HES7: variants seen among roughly 807,000 people sequenced by gnomAD.
HES7 encodes hes family bHLH transcription factor 7, also known as transcription factor HES-7.
In HES7, 8 loss-of-function variants were observed where a neutral mutation model predicts 18.0. The observed-to-expected ratio is 0.45, with a 90% CI of 0.26 to 0.80. The LOEUF is 0.80. HES7 is among the 30% of genes least tolerant of loss of function. The pLI is 0.18. For synonymous variants in HES7, 170 were observed against 158.6 expected (o/e 1.07, Z -0.54); for missense variants, 356 against 340.9 (o/e 1.04, Z -0.35).
upstream of HES7, among the ~76,000 whole-genome samples, chr17:8,126,580 C>G (rs1159774787): frequency 4.6e-5 from 7 of 152,196 alleles, no homozygotes; most frequent in Non-Finnish European, 8.8e-5. Context: ...CGCGTCGGCC[C>G]GAGGGCGGGC....
At chr17:8,125,794 G>A (rs544275670), upstream of HES7, among the ~76,000 whole-genome samples, 10 of 152,338 alleles carry the variant, frequency 6.6e-5, no homozygotes, top group East Asian at 1.9e-4. Flanking sequence ...CGGGAGGCCC[G>A]GGTTCGATTC....
In HES7 at chr17:8,122,021, C is replaced by G; in HGVS notation, c.243G>C (p.Gly81=). Residue 81 remains glycine (G), a synonymous_variant, in exon 4 of 4, where the codon GGG becomes GGC. Coordinates refer to ENST00000541682, the MANE Select transcript of HES7 (RefSeq NM_001165967.2). The surrounding 1 kb of genome is among the most constrained non-coding windows in gnomAD (Gnocchi z 6.9). The part of the protein sequence containing the change: ...RVEPPAAAAP[G]VPRSPVQDAE... ...CGTCCTGGACTGGGGACCGGGGAACCCCTGGAGCCGCGGCGGCTGGTGCGG... is the reference window on the plus strand; with the variant it reads ...CGTCCTGGACTGGGGACCGGGGAACGCCTGGAGCCGCGGCGGCTGGTGCGG... The G allele has an allele frequency of 6.6e-7, 1 of 1,514,952 alleles. No homozygotes were observed. The allele number at this position is 1,514,952 out of a possible 1,614,324, so 93.8% of individuals were successfully genotyped here. A position where few individuals can be genotyped will look rare whatever the true frequency, so the allele number is the denominator to read the frequency against.
chr17:8,123,237 AC>A lies in HES7; in HGVS notation c.43-112del. ...GCCCGGCTTCCACCCCGGCCACAAG[AC>A]CCCAGATTGCCTAGGGCCGGCCCCA... On this transcript the variant is annotated intron_variant, in intron 1 of 3. Coordinates refer to ENST00000541682, the MANE Select transcript of HES7 (RefSeq NM_001165967.2). The surrounding 1 kb of genome is among the most constrained non-coding windows in gnomAD (Gnocchi z 5.9). 1 of 811,768 alleles carries A rather than the reference AC, an allele frequency of 1.2e-6. No homozygotes were observed. The highest frequency in any genetic ancestry group is 2.1e-6 in the Non-Finnish European group (1 of 486,132). 50.3% of individuals were successfully genotyped at this position (811,768 alleles called of 1,614,324 possible).
In HES7 at chr17:8,121,686, C is replaced by G. The variant is rs1981333577; in HGVS notation, c.578G>C (p.Gly193Ala). 7.5e-7 allele frequency: 1 copy of G among 1,326,918 alleles called. No individual in the cohort carries two copies. The highest frequency in any genetic ancestry group is 4.1e-5 in the Admixed American group (1 of 24,300). The allele number at this position is 1,326,918 out of a possible 1,614,324, so 82.2% of individuals were successfully genotyped here. A position where few individuals can be genotyped will look rare whatever the true frequency, so the allele number is the denominator to read the frequency against. ...CAGTCCGGTGAGGGGCGCCGGCGCGCCAGAATCCCCGGCGCGCGGGGAGCA... is the reference window on the plus strand; with the variant it reads ...CAGTCCGGTGAGGGGCGCCGGCGCGGCAGAATCCCCGGCGCGCGGGGAGCA... ...SLCSPRAGDSGAPAPLTGLLP... is the reference protein window; with the variant it reads ...SLCSPRAGDSAAPAPLTGLLP... The change falls in exon 4 of 4, where the codon GGC (glycine) becomes GCC (alanine). Residue 193 changes from glycine (G) to alanine (A), a missense_variant. Coordinates refer to ENST00000541682, the MANE Select transcript of HES7 (RefSeq NM_001165967.2).
Position 8,121,909 on chromosome 17 carries a change from C to A in HES7, c.355G>T (p.Ala119Ser), listed in dbSNP as rs765619430. The A allele has an allele frequency of 1.3e-6, 2 of 1,564,950 alleles. No homozygotes were observed. Among genetic ancestry groups the A allele is most frequent in the Non-Finnish European group, 1.7e-6 (2 of 1,166,480 alleles). ...AAFAHDASPA[A>S]RAQLFSALHG... Reference sequence around the variant, plus strand: ...AGCGCGGAGAAGAGCTGGGCGCGGGCGGCCGGGCTGGCGTCGTGCGCGAAG... The same window carrying A: ...AGCGCGGAGAAGAGCTGGGCGCGGGAGGCCGGGCTGGCGTCGTGCGCGAAG... Residue 119 changes from alanine (A) to serine (S), a missense_variant, in exon 4 of 4, where the codon GCC becomes TCC. By Grantham distance (99) the Ala-to-Ser change is moderately conservative. Coordinates refer to ENST00000541682, the MANE Select transcript of HES7 (RefSeq NM_001165967.2).
rs1172138547 is a variant in HES7 at position 8,123,189 on chromosome 17, C to G, written c.43-63G>C. The G allele has an allele frequency of 1.5e-6, 2 of 1,318,174 alleles. No individual in the cohort carries two copies. The highest frequency in any genetic ancestry group is 2.1e-6 in the Non-Finnish European group (2 of 941,828). The allele number at this position is 1,318,174 out of a possible 1,614,324, so 81.7% of individuals were successfully genotyped here. A position where few individuals can be genotyped will look rare whatever the true frequency, so the allele number is the denominator to read the frequency against. On this transcript the variant is annotated intron_variant, in intron 1 of 3. Transcript: ENST00000541682. This position sits in a 1 kb window ranked among gnomAD's most constrained non-coding sequence, Gnocchi z 5.9. ...CCGAGACTCAGTGCGGCCGCCCCGGCGTCGGATCCCGCCGCTGGGAGAGCC... is the reference window on the plus strand; with the variant it reads ...CCGAGACTCAGTGCGGCCGCCCCGGGGTCGGATCCCGCCGCTGGGAGAGCC...
At position 8,123,596 on chromosome 17, in the gene HES7, A is replaced by G. The variant is rs908231317; in HGVS notation, c.42+447T>C. On this transcript the variant is annotated intron_variant, in intron 1 of 3. Coordinates refer to ENST00000541682, the MANE Select transcript of HES7 (RefSeq NM_001165967.2). This position sits in a 1 kb window ranked among gnomAD's most constrained non-coding sequence, Gnocchi z 5.9. ...CCTTCACCTTCTCCACGGTTCTCCT[A>G]AAATCTTCCACCAGTCTGGGGCCTC... 6.5e-5 allele frequency: 20 copies of G among 307,564 alleles called. No individual in the cohort carries two copies. The highest frequency in any genetic ancestry group is 3.9e-4 in the African/African-American group (18 of 46,262). The allele number at this position is 307,564 out of a possible 1,614,324, so 19.1% of individuals were successfully genotyped here.
chr17:8,123,058 C>A lies in HES7; in HGVS notation c.111G>T (p.Leu37=). ...GGTCCCGGGTCCGCTCCAGCAGCAG[C>A]AGCCTCAGCTCTTCCAGGCTGCGGT... ...RINRSLEELR[L]LLLERTRDQN... The change falls in exon 2 of 4, where the codon CTG becomes CTT. Residue 37 remains leucine (L), a synonymous_variant. Coordinates refer to ENST00000541682, the MANE Select transcript of HES7 (RefSeq NM_001165967.2). The surrounding 1 kb of genome is among the most constrained non-coding windows in gnomAD (Gnocchi z 5.9). 1 of 1,604,118 alleles carries A rather than the reference C, an allele frequency of 6.2e-7. No individual in the cohort carries two copies.
rs368725204 is a variant in HES7 at position 8,123,013 on chromosome 17, G to A, written c.138+18C>T. ...GAAACGGGAAGCTTGGGGACCTAGG[G>A]CTAGCGGAGGGACTGACCTGGTCCC... On this transcript the variant is annotated intron_variant, in intron 2 of 3. Transcript: ENST00000541682. The surrounding 1 kb of genome is among the most constrained non-coding windows in gnomAD (Gnocchi z 5.9). 512 of 1,573,324 alleles carry A rather than the reference G, an allele frequency of 3.3e-4. No individual in the cohort carries two copies. The highest frequency in any genetic ancestry group is 4.2e-4 in the Non-Finnish European group (491 of 1,155,446).
chr17:8,122,317 T>G lies in HES7; in HGVS notation c.226+26A>C. On this transcript the variant is annotated intron_variant, in intron 3 of 3. Coordinates refer to ENST00000541682, the MANE Select transcript of HES7 (RefSeq NM_001165967.2). This position sits in a 1 kb window ranked among gnomAD's most constrained non-coding sequence, Gnocchi z 6.9. ...CCTCCTGGCGTCCCCCCTCCCTCCC[T>G]CCGCTGCCCCACCCCCGCGCTGTAC... 38 of 828,570 alleles carry G rather than the reference T, an allele frequency of 4.6e-5. No homozygotes were observed. The highest frequency in any genetic ancestry group is 6.8e-5 in the Non-Finnish European group (36 of 530,150). The allele number at this position is 828,570 out of a possible 1,614,324, so 51.3% of individuals were successfully genotyped here.
In HES7 at chr17:8,121,183, A is replaced by T. The variant is rs922789278; in HGVS notation, c.*388T>A. ...CGGGGCTTGGGCCATGGAGAGCAGG[A>T]CTGAGGGTGGGAGACAGAAGGGAAG... On this transcript the variant is annotated 3_prime_UTR_variant, in exon 4 of 4. Coordinates refer to ENST00000541682, the MANE Select transcript of HES7 (RefSeq NM_001165967.2). The T allele has an allele frequency of 1.1e-5, 2 of 174,586 alleles. No homozygotes were observed. The highest frequency in any genetic ancestry group is 2.4e-5 in the Non-Finnish European group (2 of 83,120). The allele number at this position is 174,586 out of a possible 1,614,324, so 10.8% of individuals were successfully genotyped here. A position where few individuals can be genotyped will look rare whatever the true frequency, so the allele number is the denominator to read the frequency against.
At position 8,123,487 on chromosome 17, in the gene HES7, G is replaced by A. The variant is rs540970072; in HGVS notation, c.43-361C>T. 64 of 383,084 alleles carry A rather than the reference G, an allele frequency of 1.7e-4. No individual in the cohort carries two copies. The South Asian group carries it at 1.7e-3, about 10-fold the overall frequency. 23.7% of individuals were successfully genotyped at this position (383,084 alleles called of 1,614,324 possible). A position where few individuals can be genotyped will look rare whatever the true frequency, so the allele number is the denominator to read the frequency against. On this transcript the variant is annotated intron_variant, in intron 1 of 3. Coordinates refer to ENST00000541682, the MANE Select transcript of HES7 (RefSeq NM_001165967.2). The surrounding 1 kb of genome is among the most constrained non-coding windows in gnomAD (Gnocchi z 5.9). The stretch of plus-strand genomic sequence containing the variant: ...GCACGCACGTGCGCCGCACGGTGCC[G>A]GGCTCAGACCTGGCGGCCCTGAGTA...
In HES7 at chr17:8,121,316, G is replaced by A. The variant is rs1395340699; in HGVS notation, c.*255C>T. On this transcript the variant is annotated 3_prime_UTR_variant, in exon 4 of 4. Coordinates refer to ENST00000541682, the MANE Select transcript of HES7 (RefSeq NM_001165967.2). Reference sequence around the variant, plus strand: ...CACTAGGGACTCGGGAAGGGACTGGGACTGGGCTGAGGGGCAGAGAGAGTA... The same window carrying A: ...CACTAGGGACTCGGGAAGGGACTGGAACTGGGCTGAGGGGCAGAGAGAGTA... The A allele has an allele frequency of 1.6e-5, 6 of 370,600 alleles. No individual in the cohort carries two copies. Among genetic ancestry groups the A allele is most frequent in the African/African-American group, 2.1e-5 (1 of 47,980 alleles). The allele number at this position is 370,600 out of a possible 1,614,324, so 23.0% of individuals were successfully genotyped here.
At position 8,121,549 on chromosome 17, in the gene HES7, C is replaced by T; in HGVS notation, c.*22G>A. On this transcript the variant is annotated 3_prime_UTR_variant, in exon 4 of 4. Transcript: ENST00000541682. ...GAGTCTCTACCCCACCCCTAGACCCCGCCCCCACCACCCCCCAAGGCTCAG... is the reference window on the plus strand; with the variant it reads ...GAGTCTCTACCCCACCCCTAGACCCTGCCCCCACCACCCCCCAAGGCTCAG... The T allele has an allele frequency of 7.7e-7, 1 of 1,298,280 alleles. No homozygotes were observed. The highest frequency in any genetic ancestry group is 9.7e-7 in the Non-Finnish European group (1 of 1,029,574). The allele number at this position is 1,298,280 out of a possible 1,614,324, so 80.4% of individuals were successfully genotyped here. A position where few individuals can be genotyped will look rare whatever the true frequency, so the allele number is the denominator to read the frequency against.
In HES7 at chr17:8,123,390, C is replaced by G. The variant is rs1057286113; in HGVS notation, c.43-264G>C. On this transcript the variant is annotated intron_variant, in intron 1 of 3. Coordinates refer to ENST00000541682, the MANE Select transcript of HES7 (RefSeq NM_001165967.2). This position sits in a 1 kb window ranked among gnomAD's most constrained non-coding sequence, Gnocchi z 5.9. ...CTCCCCTCTCTGTGTCTCTCCTCCTCTTTTCTCTCTACGTCTCCGTCTGGT... is the reference window on the plus strand; with the variant it reads ...CTCCCCTCTCTGTGTCTCTCCTCCTGTTTTCTCTCTACGTCTCCGTCTGGT... 1.8e-6 allele frequency: 1 copy of G among 566,990 alleles called. No homozygotes were observed. Among genetic ancestry groups the G allele is most frequent in the Middle Eastern group, 4.7e-4 (1 of 2,144 alleles). 35.1% of individuals were successfully genotyped at this position (566,990 alleles called of 1,614,324 possible).
upstream of HES7, chr17:8,124,242 T>G (rs1219964545): frequency 9.1e-6 from 8 of 877,854 alleles, no homozygotes; most frequent in African/African-American, 6.8e-5. Flanking sequence ...AGAGGAGGAG[T>G]GAAGGGGGGA....
rs1361187643 is a variant in HES7 at position 8,121,013 on chromosome 17, A to AT, written c.*557dup. 1 of 152,670 alleles carries AT rather than the reference A, an allele frequency of 6.6e-6. No homozygotes were observed. The highest frequency in any genetic ancestry group is 2.4e-5 in the African/African-American group (1 of 41,438). The allele number at this position is 152,670 out of a possible 1,614,324, so 9.5% of individuals were successfully genotyped here. On this transcript the variant is annotated 3_prime_UTR_variant, in exon 4 of 4. Coordinates refer to ENST00000541682, the MANE Select transcript of HES7 (RefSeq NM_001165967.2). ...GTGGGTTCGAATCCCACCAGAGTCGATTTTATTTCAATTTTTCCTTTTTAT... is the reference window on the plus strand; with the variant it reads ...GTGGGTTCGAATCCCACCAGAGTCGATTTTTATTTCAATTTTTCCTTTTTAT...
rs1981474382 is a variant in HES7 at position 8,123,587 on chromosome 17, G to A, written c.42+456C>T. On this transcript the variant is annotated intron_variant, in intron 1 of 3. Transcript: ENST00000541682. This position sits in a 1 kb window ranked among gnomAD's most constrained non-coding sequence, Gnocchi z 5.9. ...CCCTCCAGGCCTTCACCTTCTCCAC[G>A]GTTCTCCTAAAATCTTCCACCAGTC... 6.6e-6 allele frequency: 2 copies of A among 305,012 alleles called. No homozygotes were observed. Among genetic ancestry groups the A allele is most frequent in the African/African-American group, 2.2e-5 (1 of 46,254 alleles). The allele number at this position is 305,012 out of a possible 1,614,324, so 18.9% of individuals were successfully genotyped here. A position where few individuals can be genotyped will look rare whatever the true frequency, so the allele number is the denominator to read the frequency against.
In HES7 at chr17:8,123,172, C is replaced by G; in HGVS notation, c.43-46G>C. On this transcript the variant is annotated intron_variant, in intron 1 of 3. Coordinates refer to ENST00000541682, the MANE Select transcript of HES7 (RefSeq NM_001165967.2). This position sits in a 1 kb window ranked among gnomAD's most constrained non-coding sequence, Gnocchi z 5.9. ...AGAGCGGGCCGACCAGACCGAGACT[C>G]AGTGCGGCCGCCCCGGCGTCGGATC... 6.8e-7 allele frequency: 1 copy of G among 1,470,582 alleles called. No homozygotes were observed. The highest frequency in any genetic ancestry group is 9.3e-7 in the Non-Finnish European group (1 of 1,075,134). 91.1% of individuals were successfully genotyped at this position (1,470,582 alleles called of 1,614,324 possible).
Sources: allele counts gnomAD v4.1 joint callset (sites outside exome capture counted in the v4.1 genomes callset), GRCh38; gene constraint gnomAD v4.1.1; non-coding constraint Gnocchi (gnomAD v3.1); transcripts MANE v1.5; gene names NCBI Gene and HGNC (gene_info 2026-07-23, HGNC 2026-07-21).